The following BCL11A variants were observed in gnomAD, a reference collection of about 807,000 sequenced individuals.
The protein encoded by BCL11A is BCL11 transcription factor A.
In BCL11A, 2 loss-of-function variants were observed where a neutral mutation model predicts 55.9. The observed-to-expected ratio is 0.04, with a 90% CI of 0.01 to 0.11. The LOEUF (loss-of-function observed/expected upper bound fraction) is 0.11, where lower values mean the gene tolerates loss of function less well. BCL11A is among the 10% of genes least tolerant of loss of function. The pLI, the probability that BCL11A is intolerant of heterozygous loss-of-function variation, is 1.00. For synonymous variants in BCL11A, 465 were observed against 473.4 expected, an observed-to-expected ratio of 0.98 and a Z score of 0.23; for missense variants, 817 against 1,137.1, an observed-to-expected ratio of 0.72 and a Z score of 4.05.
intron 2 of BCL11A, among the ~76,000 whole-genome samples, chr2:60,500,704 T>C (rs745603815): frequency 6.6e-6 from 1 of 152,142 alleles, no homozygotes; most frequent in Non-Finnish European, 1.5e-5. Flanking sequence ...GCATCAAACC[T>C]GGAACTCACA....
chr2:60,484,757 T>C (rs1678170422), intron 2 of BCL11A, among the ~76,000 whole-genome samples: 1 of 151,616 alleles, frequency 6.6e-6, no homozygotes, highest in Non-Finnish European at 1.5e-5. Context: ...GGGCTGAGGT[T>C]TCCTGCCCTT....
At chr2:60,482,171 GTT>G (rs1021510786) in intron 2 of BCL11A, among the ~76,000 whole-genome samples, 12 of 152,106 alleles carry the variant, frequency 7.9e-5, no homozygotes, top group African/African-American at 2.7e-4. Context: ...TATCTTGAGA[GTT>G]TAGTTTGGTT....
At chr2:60,467,258 GTGGTGGTGA>G (rs1558618695) in intron 3 of BCL11A, among the ~76,000 whole-genome samples, 39 of 113,770 alleles carry the variant, frequency 3.4e-4, no homozygotes, top group Non-Finnish European at 5.0e-4. Flanking sequence ...GGTAATGGTG[GTGGTGGTGA>G]TGGTGGTGGT....
chr2:60,463,336 A>T (rs1204006106), intron 3 of BCL11A, among the ~76,000 whole-genome samples: 1 of 152,250 alleles, frequency 6.6e-6, no homozygotes. Context: ...CAGTTAAAAC[A>T]GCCAGCGCCA....
chr2:60,548,196 C>T (rs1670236592), intron 1 of BCL11A, among the ~76,000 whole-genome samples: 1 of 151,820 alleles, frequency 6.6e-6, no homozygotes, highest in Non-Finnish European at 1.5e-5. Flanking sequence ...ATAAATGTGG[C>T]TTTTTTGTTT....
chr2:60,459,877 G>A lies in BCL11A; in HGVS notation c.*527C>T. 2.9e-6 allele frequency: 3 copies of A among 1,047,480 alleles called. No homozygotes were observed. Among genetic ancestry groups the A allele is most frequent in the South Asian group, 4.6e-5 (1 of 21,834 alleles). The allele number at this position is 1,047,480 out of a possible 1,614,324, so 64.9% of individuals were successfully genotyped here. A position where few individuals can be genotyped will look rare whatever the true frequency, so the allele number is the denominator to read the frequency against. On this transcript the variant is annotated 3_prime_UTR_variant, in exon 4 of 4. Transcript: ENST00000642384. The stretch of plus-strand genomic sequence containing the variant: ...TCCAAAGACTGTTTTTCCTCCTCAC[G>A]TTATAAAATAAAACTGTACATGATA...
intron 2 of BCL11A, among the ~76,000 whole-genome samples, chr2:60,489,785 A>G (rs1460218430): frequency 2.0e-5 from 3 of 152,062 alleles, no homozygotes; most frequent in Non-Finnish European, 4.4e-5. Context: ...ACCCCATCCA[A>G]AAATGTTTAC....
chr2:60,459,943 T>G lies in BCL11A; in HGVS notation c.*461A>C, dbSNP rs1470153897. ...ATGCAGCATGGTCTTTTTCTCTCTC[T>G]CTCTCTTTTTCTCTCAGAACGGAAC... is the stretch of plus-strand genomic sequence containing the variant. On this transcript the variant is annotated 3_prime_UTR_variant, in exon 4 of 4. Transcript: ENST00000642384. The G allele has an allele frequency of 9.4e-7, 1 of 1,062,642 alleles. No homozygotes were observed. The highest frequency in any genetic ancestry group is 1.6e-5 in the African/African-American group (1 of 60,806). The allele number at this position is 1,062,642 out of a possible 1,614,324, so 65.8% of individuals were successfully genotyped here.
intron 2 of BCL11A, among the ~76,000 whole-genome samples, chr2:60,497,213 C>A (rs1281897565): frequency 6.6e-6 from 1 of 152,206 alleles, no homozygotes; most frequent in Non-Finnish European, 1.5e-5. Context: ...AGCTAATGAC[C>A]TGTAAACACT....
intron 3 of BCL11A, among the ~76,000 whole-genome samples, chr2:60,465,630 T>C (rs1676560763): frequency 6.6e-6 from 1 of 152,242 alleles, no homozygotes; most frequent in Non-Finnish European, 1.5e-5. Flanking sequence ...GGCCTAGCTC[T>C]ATTATCCACT....
chr2:60,550,930 G>A, intron 1 of BCL11A: 1 of 398,084 alleles, frequency 2.5e-6, no homozygotes, highest in Non-Finnish European at 4.4e-6. Flanking sequence ...GCGCGGCCGG[G>A]GGAGTTGGGG....
chr2:60,537,784 T>C (rs1669735593), intron 2 of BCL11A: 1 of 152,226 alleles, frequency 6.6e-6, no homozygotes, highest in East Asian at 1.9e-4. Flanking sequence ...TTTTAGAAAG[T>C]TCAAAAAGCA....
chr2:60,502,292 G>C (rs1679334453), intron 2 of BCL11A, among the ~76,000 whole-genome samples: 1 of 152,238 alleles, frequency 6.6e-6, no homozygotes, highest in African/African-American at 2.4e-5. Flanking sequence ...GAGCTCCAAA[G>C]TCAGGGAGTA....
intron 2 of BCL11A, among the ~76,000 whole-genome samples, chr2:60,493,676 A>T (rs1678781080): frequency 6.6e-6 from 1 of 151,880 alleles, no homozygotes; most frequent in Admixed American, 6.6e-5. Flanking sequence ...GACTTAGTTG[A>T]CCTCCCCCAT....
In BCL11A at chr2:60,550,779, T is replaced by C. The variant is rs778016737; in HGVS notation, c.55+2437A>G. 310 of 398,790 alleles carry C rather than the reference T, an allele frequency of 7.8e-4. 1 individual carries two copies. Among genetic ancestry groups the C allele is most frequent in the Middle Eastern group, 1.9e-3 (3 of 1,590 alleles). The allele number at this position is 398,790 out of a possible 1,614,324, so 24.7% of individuals were successfully genotyped here. ...GAGCAGCCTGGACTGCGCGCCCCGG[T>C]CTGTCCTTTGAGCCCCCACTGCATC... On this transcript the variant is annotated intron_variant, in intron 1 of 3. Transcript: ENST00000642384.
intron 3 of BCL11A, among the ~76,000 whole-genome samples, chr2:60,467,534 GTGATGGTACTGGTGA>G (rs1362329444): frequency 5.2e-5 from 1 of 19,304 alleles, no homozygotes; most frequent in African/African-American, 2.8e-4. Flanking sequence ...GATGGTGATG[GTGATGGTACTGGTGA>G]TGGTGGTGGT....
At chr2:60,466,111 G>C (rs1364455994) in intron 3 of BCL11A, among the ~76,000 whole-genome samples, 2 of 152,216 alleles carry the variant, frequency 1.3e-5, no homozygotes, top group Admixed American at 6.5e-5. Flanking sequence ...GGTCCTGCCA[G>C]CAGGGGCACC....
intron 2 of BCL11A, among the ~76,000 whole-genome samples, chr2:60,515,848 G>A (rs937761050): frequency 2.0e-5 from 3 of 152,166 alleles, no homozygotes; most frequent in African/African-American, 7.2e-5. Flanking sequence ...CCCACTGTGA[G>A]GTCTTACTGT....
downstream of BCL11A, chr2:60,452,769 T>A: frequency 2.2e-6 from 2 of 902,774 alleles, no homozygotes; most frequent in South Asian, 1.5e-5. Flanking sequence ...AATTAGAACT[T>A]AAACCAACCA....
Sources: gnomAD v4.1 joint callset for allele counts (sites outside exome capture counted in the v4.1 genomes callset) on GRCh38, gnomAD v4.1.1 for gene constraint, MANE v1.5 for transcripts, NCBI Gene and HGNC (gene_info 2026-07-23, HGNC 2026-07-21) for gene names.